The following NCK2 variants were observed in gnomAD, a reference collection of about 807,000 sequenced individuals.
NCK2 encodes the protein NCK adaptor protein 2, also known as cytoplasmic protein NCK2.
NCK2 carries 16 observed loss-of-function variants against 33.9 expected under a neutral mutation model. The ratio of observed to expected loss-of-function variants is 0.47; its 90% CI spans 0.32 to 0.72. NCK2 has a LOEUF of 0.72. NCK2 is among the 30% of genes least tolerant of loss of function. The pLI, the probability that NCK2 is intolerant of heterozygous loss-of-function variation, is 0.03. For missense variants in NCK2, 418 were observed against 537.3 expected, an observed-to-expected ratio of 0.78 and a Z score of 2.19; for synonymous variants, 273 against 239.9, an observed-to-expected ratio of 1.14 and a Z score of -1.27.
At chr2:105,887,868 G>T (rs1176929447) in intron 4 of NCK2, among the ~76,000 whole-genome samples, 1 of 152,216 alleles carries the variant, frequency 6.6e-6, no homozygotes, top group Non-Finnish European at 1.5e-5. Flanking sequence ...GGATCAAAGA[G>T]TGTGCTCTCT....
chr2:105,821,081 A>G (rs1675717241), intron 2 of NCK2, among the ~76,000 whole-genome samples: 1 of 152,220 alleles, frequency 6.6e-6, no homozygotes, highest in South Asian at 2.1e-4. Flanking sequence ...CTATCCAGTA[A>G]TATTTATTTA....
At chr2:105,781,913 C>T (rs1002244768) in intron 1 of NCK2, among the ~76,000 whole-genome samples, 2 of 152,148 alleles carry the variant, frequency 1.3e-5, no homozygotes, top group South Asian at 4.1e-4. Context: ...TTATTTCTTG[C>T]CGTAAATGCT....
intron 1 of NCK2, among the ~76,000 whole-genome samples, chr2:105,767,084 G>A (rs4851852): frequency 0.34 from 51,203 of 152,048 alleles, 9,751 homozygotes; most frequent in East Asian, 0.46. Context: ...ACACACCAGT[G>A]CTGGGTTCCT....
chr2:105,762,042 G>A (rs1689780390), intron 1 of NCK2, among the ~76,000 whole-genome samples: 1 of 152,198 alleles, frequency 6.6e-6, no homozygotes, highest in African/African-American at 2.4e-5. Context: ...AGTTGCAAGT[G>A]TGGGTTTTGG....
chr2:105,792,598 C>T (rs1274703694), intron 1 of NCK2, among the ~76,000 whole-genome samples: 1 of 151,948 alleles, frequency 6.6e-6, no homozygotes, highest in Non-Finnish European at 1.5e-5. Context: ...TGTCCAAACT[C>T]GTTTGTTTTT....
At chr2:105,869,530 G>A (rs992450976) in intron 3 of NCK2, among the ~76,000 whole-genome samples, 15 of 152,202 alleles carry the variant, frequency 9.9e-5, no homozygotes, top group Non-Finnish European at 2.1e-4. Context: ...GCACAAGTAC[G>A]GTTCGGCTGT....
intron 1 of NCK2, among the ~76,000 whole-genome samples, chr2:105,796,181 G>A (rs568614815): frequency 2.6e-5 from 4 of 152,326 alleles, no homozygotes; most frequent in South Asian, 2.1e-4. Context: ...CTCTGTATTG[G>A]CCGCCCTCTG....
chr2:105,744,820 G>A (rs1479938463), upstream of NCK2: 1 of 154,202 alleles, frequency 6.5e-6, no homozygotes, highest in African/African-American at 2.4e-5. Flanking sequence ...CGCGGGAGGA[G>A]GAGGAAGAGC....
chr2:105,841,990 A>C (rs890767916), intron 2 of NCK2, among the ~76,000 whole-genome samples: 1 of 152,234 alleles, frequency 6.6e-6, no homozygotes, highest in Admixed American at 6.5e-5. Flanking sequence ...GTAAAATGGC[A>C]CTAGCTGCCC....
intron 1 of NCK2, among the ~76,000 whole-genome samples, chr2:105,778,644 TA>T (rs1690388721): frequency 1.3e-5 from 2 of 152,230 alleles, no homozygotes; most frequent in Non-Finnish European, 2.9e-5. Context: ...CATTCCTCCT[TA>T]GGCTGGGAAA....
At chr2:105,748,068 A>C (rs1156676486) in intron 1 of NCK2, among the ~76,000 whole-genome samples, 1 of 152,224 alleles carries the variant, frequency 6.6e-6, no homozygotes, top group Non-Finnish European at 1.5e-5. Flanking sequence ...CCACATGTGT[A>C]CTGGCACATA....
chr2:105,758,975 C>T (rs1366582767), intron 1 of NCK2, among the ~76,000 whole-genome samples: 1 of 152,128 alleles, frequency 6.6e-6, no homozygotes, highest in African/African-American at 2.4e-5. Flanking sequence ...AGACATTTCC[C>T]TTAGCTTTTG....
intron 1 of NCK2, among the ~76,000 whole-genome samples, chr2:105,802,618 T>C (rs1310609206): frequency 6.6e-6 from 1 of 152,156 alleles, no homozygotes; most frequent in African/African-American, 2.4e-5. Context: ...TAACCATCAC[T>C]TCTTACAGGA....
chr2:105,867,083 G>A (rs1056230689), intron 3 of NCK2, among the ~76,000 whole-genome samples: 2 of 152,104 alleles, frequency 1.3e-5, no homozygotes, highest in African/African-American at 4.8e-5. Flanking sequence ...TTTCAAATCA[G>A]TACAAAGCCA....
At position 105,869,339 on chromosome 2, in the gene NCK2, G is replaced by A. The variant is rs1048539562; in HGVS notation, c.227-11989G>A. Among the ~76,000 whole-genome samples, 60 of 152,188 alleles carry A rather than the reference G, an allele frequency of 3.9e-4. 1 individual carries two copies. The highest frequency in any genetic ancestry group is 1.4e-3 in the Admixed American group (21 of 15,280). On this transcript the variant is annotated intron_variant, in intron 3 of 4. Coordinates refer to ENST00000233154, the MANE Select transcript of NCK2 (RefSeq NM_003581.5). ...CAGCCATCACCTGGGCTCCTGCTGC[G>A]TGTCAACACCCCGCTGAGTGCCATC...
rs56250020 is a variant in NCK2, at chr2:105,835,409, G to GTGTGTATATATATATACGTATA, written c.-17+18797_-17+18798insGTGTATATATATATACGTATAT. 2.2e-4 allele frequency among the ~76,000 whole-genome samples: 13 copies of GTGTGTATATATATATACGTATA among 59,324 alleles called. 1 individual carries two copies. In the East Asian group the frequency reaches 5.9e-3, roughly 27 times the overall value. The allele number at this position is 59,324 out of a possible 152,430, so 38.9% of individuals were successfully genotyped here. Reference sequence around the variant, plus strand: ...TACACATATATATATATATATACGTGTATATATATATATATTTTTTTTTTG... The same window carrying GTGTGTATATATATATACGTATA: ...TACACATATATATATATATATACGTGTGTGTATATATATATACGTATATATATATATATATATTTTTTTTTTG... On this transcript the variant is annotated intron_variant, in intron 2 of 4. Coordinates refer to ENST00000233154, the MANE Select transcript of NCK2 (RefSeq NM_003581.5).
At chr2:105,834,817 G>A (rs886843911) in intron 2 of NCK2, among the ~76,000 whole-genome samples, 2 of 151,882 alleles carry the variant, frequency 1.3e-5, no homozygotes, top group African/African-American at 4.8e-5. Flanking sequence ...CCTACAGGTA[G>A]ATGTGTGCTA....
At chr2:105,841,137 A>G (rs1038586121) in intron 2 of NCK2, among the ~76,000 whole-genome samples, 12 of 152,358 alleles carry the variant, frequency 7.9e-5, no homozygotes, top group Non-Finnish European at 1.5e-5. Context: ...CTCTTCCGAC[A>G]TTCACTTTAT....
At chr2:105,776,176 G>C (rs933705368) in intron 1 of NCK2, among the ~76,000 whole-genome samples, 2 of 152,140 alleles carry the variant, frequency 1.3e-5, no homozygotes, top group African/African-American at 4.8e-5. Flanking sequence ...CCTGCCATTC[G>C]CTCCCACTTC....
Sources: allele counts gnomAD v4.1 joint callset (sites outside exome capture counted in the v4.1 genomes callset), GRCh38; gene constraint gnomAD v4.1.1; transcripts MANE v1.5; gene names NCBI Gene and HGNC (gene_info 2026-07-23, HGNC 2026-07-21).